Variants in CEP85L observed in about 807,000 individuals in gnomAD.
CEP85L encodes the protein centrosomal protein of 85 kDa-like.
Under a neutral mutation model 100.3 loss-of-function variants are expected in CEP85L, and 60 were observed. The ratio of observed to expected loss-of-function variants is 0.60; its 90% CI spans 0.49 to 0.74. The LOEUF is 0.74. Ranked by LOEUF, CEP85L falls within the 30% of genes least tolerant of loss-of-function variation. The pLI is 0.00. For missense variants in CEP85L, 973 were observed against 936.2 expected (o/e 1.04, Z -0.51); for synonymous variants, 319 against 322.7 (o/e 0.99, Z 0.12).
rs2114430961 is a variant in CEP85L at position 118,470,542 on chromosome 6, G to A, written c.2017C>T (p.Leu673Phe). 2 of 1,573,962 alleles carry A rather than the reference G, an allele frequency of 1.3e-6. No individual in the cohort carries two copies. Among genetic ancestry groups the A allele is most frequent in the Non-Finnish European group, 1.7e-6 (2 of 1,157,552 alleles). Residue 673 changes from leucine (L) to phenylalanine (F), a missense_variant, in exon 11 of 13, where the codon CTT becomes TTT. Around this residue, in one of 3 missense-constraint regions of CEP85L, gnomAD observed 890 missense variants for 844.5 expected, o/e 1.05. Coordinates refer to ENST00000368491, the MANE Select transcript of CEP85L (RefSeq NM_001042475.3). ...ATTGAATTTCTTCTACTCACTTCAA[G>A]CAATGCTTTTGTTAATCTCTGTACA... The part of the protein sequence containing the change: ...RNVQRLTKAL[L>F]ENQRQTDETC...
At chr6:118,537,786 A>G in intron 3 of CEP85L, 4 of 985,348 alleles carry the variant, frequency 4.1e-6, no homozygotes, top group Non-Finnish European at 4.8e-6. Context: ...CAACCTCTGC[A>G]ATTCTTCAAG....
intron 5 of CEP85L, chr6:118,501,814 GA>G: frequency 1.0e-6 from 1 of 962,368 alleles, no homozygotes; most frequent in East Asian, 2.8e-5. Flanking sequence ...CTGGCTGAGA[GA>G]GAGAGAGAGA....
chr6:118,466,037 C>T (rs987658727), intron 12 of CEP85L, among the ~76,000 whole-genome samples: 1 of 151,626 alleles, frequency 6.6e-6, no homozygotes, highest in African/African-American at 2.4e-5. Context: ...AGAGGGAGAG[C>T]GGGGAGGGAA....
At chr6:118,583,415 T>C (rs1008797367) in intron 2 of CEP85L, among the ~76,000 whole-genome samples, 1 of 152,190 alleles carries the variant, frequency 6.6e-6, no homozygotes, top group African/African-American at 2.4e-5. Context: ...TCAACCCCTT[T>C]TGCAGATGGG....
At chr6:118,468,106 A>G (rs1355409754) in intron 12 of CEP85L, among the ~76,000 whole-genome samples, 6 of 152,214 alleles carry the variant, frequency 3.9e-5, no homozygotes, top group East Asian at 1.9e-4. Flanking sequence ...CGATATCCAC[A>G]TTTGTGTATG....
intron 12 of CEP85L, among the ~76,000 whole-genome samples, chr6:118,466,623 C>A (rs994894452): frequency 2.0e-5 from 3 of 152,082 alleles, no homozygotes; most frequent in African/African-American, 7.2e-5. Context: ...ATTTGAGAAA[C>A]CTCAAGAAAA....
At chr6:118,575,677 A>C (rs1780182594) in intron 2 of CEP85L, among the ~76,000 whole-genome samples, 1 of 152,228 alleles carries the variant, frequency 6.6e-6, no homozygotes, top group Non-Finnish European at 1.5e-5. Context: ...CTTGAGAGAA[A>C]TACTGTCTCA....
chr6:118,479,946 T>C (rs1229400713), intron 9 of CEP85L, 25 bp from the exon 10 acceptor site: 1 of 1,210,238 alleles, frequency 8.3e-7, no homozygotes, highest in Admixed American at 2.3e-5. Flanking sequence ...ATACATCTGA[T>C]TCAAATAATT....
chr6:118,559,118 T>C, intron 3 of CEP85L: 2 of 1,531,584 alleles, frequency 1.3e-6, no homozygotes, highest in East Asian at 4.5e-5. Context: ...GCTTGCCACA[T>C]CAGCTTAAAA....
At chr6:118,644,310 C>T (rs1228490805) in intron 1 of CEP85L, among the ~76,000 whole-genome samples, 2 of 152,040 alleles carry the variant, frequency 1.3e-5, no homozygotes, top group Non-Finnish European at 2.9e-5. Context: ...TTGGACGGCA[C>T]ATCTTCCTCT....
chr6:118,476,361 T>A (rs189434814), intron 10 of CEP85L, among the ~76,000 whole-genome samples: 81 of 152,204 alleles, frequency 5.3e-4, no homozygotes, highest in Middle Eastern at 3.4e-3. Flanking sequence ...TAACTTCTGA[T>A]AAGAATACTT....
chr6:118,544,004 G>A (rs1778055714), intron 3 of CEP85L, among the ~76,000 whole-genome samples: 1 of 152,204 alleles, frequency 6.6e-6, no homozygotes, highest in African/African-American at 2.4e-5. Context: ...TGAATGGGGA[G>A]TCTGGCAGAA....
intron 5 of CEP85L, among the ~76,000 whole-genome samples, chr6:118,501,102 A>G (rs1307491570): frequency 6.6e-6 from 1 of 152,064 alleles, no homozygotes; most frequent in Non-Finnish European, 1.5e-5. Context: ...AAGAGGCTGG[A>G]GCAGTGCTCC....
chr6:118,555,034 C>T (rs1263617926), intron 3 of CEP85L, among the ~76,000 whole-genome samples: 1 of 152,140 alleles, frequency 6.6e-6, no homozygotes, highest in African/African-American at 2.4e-5. Context: ...CCTTTTAAGA[C>T]CACTTAAGCC....
intron 1 of CEP85L, among the ~76,000 whole-genome samples, chr6:118,672,225 A>G (rs1244983373): frequency 6.6e-6 from 1 of 151,912 alleles, no homozygotes; most frequent in East Asian, 1.9e-4. Flanking sequence ...TTTAGTAGAG[A>G]TGGGGTTTTG....
rs1334975904 is a variant in CEP85L at position 118,548,780 on chromosome 6, GC to G, written c.1020+16748del. 1.1e-4 allele frequency among the ~76,000 whole-genome samples: 16 copies of G among 152,044 alleles called. 1 individual carries two copies. In the East Asian group the frequency reaches 3.1e-3, roughly 29 times the overall value. ...CAATGACTTAATTTTGTTATTTATT[GC>G]TCTGCTGAGAAACAGTGCAGAACTG... On this transcript the variant is annotated intron_variant, in intron 3 of 12. Transcript: ENST00000368491.
chr6:118,564,124 T>C (rs2114990411), intron 3 of CEP85L, among the ~76,000 whole-genome samples: 1 of 151,540 alleles, frequency 6.6e-6, no homozygotes, highest in Admixed American at 6.5e-5. Flanking sequence ...CCAACCTCCC[T>C]ACCCTCCTCT....
In CEP85L at chr6:118,473,736, A is replaced by G. The variant is rs140701810; in HGVS notation, c.1915-3092T>C. On this transcript the variant is annotated intron_variant, in intron 10 of 12. Coordinates refer to ENST00000368491, the MANE Select transcript of CEP85L (RefSeq NM_001042475.3). ...GGAGACAGCTTGGAACAGGGTGGCA[A>G]TGGAGGAGGCAAGGAGAAGAGGTCA... 3.7e-3 allele frequency among the ~76,000 whole-genome samples: 566 copies of G among 152,224 alleles called. 3 individuals are homozygous for G. The highest frequency in any genetic ancestry group is 0.013 in the African/African-American group (540 of 41,552).
At chr6:118,649,952 AG>A (rs1164981197) in intron 1 of CEP85L, among the ~76,000 whole-genome samples, 1 of 152,236 alleles carries the variant, frequency 6.6e-6, no homozygotes, top group Non-Finnish European at 1.5e-5. Context: ...AAACTATCAA[AG>A]AATTGCATTA....
Sources: allele counts gnomAD v4.1 joint callset (sites outside exome capture counted in the v4.1 genomes callset), GRCh38; gene constraint gnomAD v4.1.1; regional missense constraint gnomAD v4.1.1; transcripts MANE v1.5; gene names NCBI Gene and HGNC (gene_info 2026-07-23, HGNC 2026-07-21).